Variants in DPEP1 observed in about 807,000 individuals in gnomAD.
DPEP1 encodes beta-lactamase.
A neutral mutation model predicts 42.3 loss-of-function variants in DPEP1; 50 were observed. The observed-to-expected ratio is 1.18, with a 90% CI of 0.94 to 1.50. DPEP1 has a LOEUF of 1.50. Ranked by LOEUF, DPEP1 falls within the 40% of genes most tolerant of loss-of-function variation. The pLI, the probability that DPEP1 is intolerant of heterozygous loss-of-function variation, is 0.00. For synonymous variants in DPEP1, 297 were observed against 234.0 expected (o/e 1.27, Z -2.46); for missense variants, 663 against 553.0 (o/e 1.20, Z -1.99).
chr16:89,616,481 G>A (rs1360619842), intron 1 of DPEP1, among the ~76,000 whole-genome samples: 1 of 152,154 alleles, frequency 6.6e-6, no homozygotes, highest in Non-Finnish European at 1.5e-5. Context: ...GGAGGCATCT[G>A]CATCCCCGGG....
chr16:89,625,788 C>T (rs1412095984), intron 1 of DPEP1, among the ~76,000 whole-genome samples: 1 of 152,202 alleles, frequency 6.6e-6, no homozygotes, highest in East Asian at 1.9e-4. Flanking sequence ...TTTGTGCTCA[C>T]AGCAGGACTG....
At chr16:89,630,932 CAG>C (rs2059579769) in intron 2 of DPEP1, among the ~76,000 whole-genome samples, 1 of 152,000 alleles carries the variant, frequency 6.6e-6, no homozygotes, top group Admixed American at 6.6e-5. Flanking sequence ...TGGGGTCTCT[CAG>C]GGCCCCCAAA....
intron 1 of DPEP1, among the ~76,000 whole-genome samples, chr16:89,615,687 C>G (rs866803563): frequency 2.0e-5 from 3 of 152,202 alleles, no homozygotes; most frequent in Non-Finnish European, 4.4e-5. Flanking sequence ...TGCAGGACCC[C>G]GCGAGGCCCC....
Position 89,637,672 on chromosome 16 carries a change from CGT to C in DPEP1, c.896_897del (p.Val299GlyfsTer7). 3 of 1,612,996 alleles carry C rather than the reference CGT, an allele frequency of 1.9e-6. No individual in the cohort carries two copies. Among genetic ancestry groups the C allele is most frequent in the Non-Finnish European group, 2.5e-6 (3 of 1,179,984 alleles). On this transcript the variant is annotated frameshift_variant, in exon 9 of 11. Coordinates refer to ENST00000690203, the MANE Select transcript of DPEP1 (RefSeq NM_001389466.1). LOFTEE classifies it high-confidence loss of function. The part of the protein sequence containing the change: ...HIKEVAGARA[V>X]GFGGDFDGVP... ...TCAAGGAGGTGGCAGGAGCCAGAGC[CGT>C]GGGTTTTGGTGGGGACTTTGATGGT... is the stretch of plus-strand genomic sequence containing the variant.
chr16:89,614,911 C>T lies in DPEP1; in HGVS notation c.-107+1192C>T, dbSNP rs114464690. Among the ~76,000 whole-genome samples the T allele has an allele frequency of 1.9e-3, 283 of 152,300 alleles. 2 individuals are homozygous for T. The highest frequency in any genetic ancestry group is 6.5e-3 in the African/African-American group (271 of 41,568). On this transcript the variant is annotated intron_variant, in intron 1 of 10. Coordinates refer to ENST00000690203, the MANE Select transcript of DPEP1 (RefSeq NM_001389466.1). Reference sequence around the variant, plus strand: ...AGGCGGAAGTTGGAGTCTGGAGCTGCGGCTGGGCTAGCGAAGGGCAGAACC... The same window carrying T: ...AGGCGGAAGTTGGAGTCTGGAGCTGTGGCTGGGCTAGCGAAGGGCAGAACC...
Position 89,638,433 on chromosome 16 carries a change from A to C in DPEP1, c.*211A>C. On this transcript the variant is annotated 3_prime_UTR_variant, in exon 11 of 11. Transcript: ENST00000690203. ...CGCAATAAAAGCAACACCCCTTCAC[A>C]TCCTGGGGTACGTGTCATCGGCATC... 1.5e-6 allele frequency: 2 copies of C among 1,317,958 alleles called. No individual in the cohort carries two copies. The highest frequency in any genetic ancestry group is 9.6e-7 in the Non-Finnish European group (1 of 1,037,792). 81.6% of individuals were successfully genotyped at this position (1,317,958 alleles called of 1,614,324 possible).
At chr16:89,613,980 C>T (rs1001605589) in intron 1 of DPEP1, among the ~76,000 whole-genome samples, 4 of 147,420 alleles carry the variant, frequency 2.7e-5, no homozygotes, top group Admixed American at 1.4e-4. Context: ...TTCTAGGAGG[C>T]TGGCACCAGG....
rs1378674252 is a variant in DPEP1, at chr16:89,636,912, C to T, written c.568C>T (p.Gln190Ter). 15 of 1,612,412 alleles carry T rather than the reference C, an allele frequency of 9.3e-6. No homozygotes were observed. Among genetic ancestry groups the T allele is most frequent in the Non-Finnish European group, 1.2e-5 (14 of 1,179,952 alleles). Residue 190 changes from glutamine to a stop codon, truncating the protein, a stop_gained, in exon 6 of 11, where the codon CAA becomes TAA. Transcript: ENST00000690203. LOFTEE classifies it high-confidence loss of function. The part of the protein sequence containing the change: ...VDTGDSEPQS[Q>*]GLSPFGQRVV... ...CACGGGAGACAGCGAGCCCCAGAGC[C>T]AAGGCTTGTCACCCTTTGGGCAGGT... is the stretch of plus-strand genomic sequence containing the variant.
chr16:89,628,662 C>T (rs1187208944), intron 1 of DPEP1, among the ~76,000 whole-genome samples: 1 of 152,122 alleles, frequency 6.6e-6, no homozygotes, highest in Non-Finnish European at 1.5e-5. Flanking sequence ...TGGAAATGCT[C>T]TCCTGTCACT....
At chr16:89,615,678 G>A (rs1029681697) in intron 1 of DPEP1, among the ~76,000 whole-genome samples, 9 of 152,184 alleles carry the variant, frequency 5.9e-5, no homozygotes, top group African/African-American at 2.2e-4. Flanking sequence ...ACCCCGCCTT[G>A]CAGGACCCCG....
chr16:89,633,795 G>GAGGGAGCTGTCTTCAA (rs1310379948), intron 2 of DPEP1, among the ~76,000 whole-genome samples: 156 of 151,208 alleles, frequency 1.0e-3, no homozygotes, highest in East Asian at 4.7e-3. Context: ...CTGAGGCACA[G>GAGGGAGCTGTCTTCAA]GGATGGGTCT....
chr16:89,618,509 G>C (rs554791764), intron 1 of DPEP1, among the ~76,000 whole-genome samples: 50 of 152,228 alleles, frequency 3.3e-4, no homozygotes, highest in Non-Finnish European at 4.7e-4. Context: ...TAAACCACCA[G>C]GTCTGGCCTA....
At chr16:89,620,269 G>A (rs1388972743) in intron 1 of DPEP1, among the ~76,000 whole-genome samples, 1 of 152,132 alleles carries the variant, frequency 6.6e-6, no homozygotes, top group African/African-American at 2.4e-5. Context: ...CAGGGAGGTG[G>A]CTGGGGTCTG....
chr16:89,631,683 C>G (rs866339959), intron 2 of DPEP1, among the ~76,000 whole-genome samples: 1 of 152,208 alleles, frequency 6.6e-6, no homozygotes, highest in Admixed American at 6.5e-5. Flanking sequence ...TGGCGAAACC[C>G]TGTCTCTACT....
chr16:89,632,025 G>A (rs2059595105), intron 2 of DPEP1, among the ~76,000 whole-genome samples: 1 of 152,074 alleles, frequency 6.6e-6, no homozygotes, highest in African/African-American at 2.4e-5. Context: ...AGCAGCAGGT[G>A]ACTGTCAGGG....
rs369160657 is a variant in DPEP1 at position 89,630,395 on chromosome 16, C to G, written c.-16C>G. 6.2e-7 allele frequency: 1 copy of G among 1,605,100 alleles called. No homozygotes were observed. The highest frequency in any genetic ancestry group is 1.3e-5 in the African/African-American group (1 of 74,534). On this transcript the variant is annotated 5_prime_UTR_variant, in exon 2 of 11. Transcript: ENST00000690203. ...CACCAGGGCAGCAGTGCACACAGGT[C>G]CCCGGGGACCCCACCATGTGGAGCG... is the stretch of plus-strand genomic sequence containing the variant.
chr16:89,637,577 G>A, intron 8 of DPEP1, 25 bp downstream of exon 8: 3 of 1,612,830 alleles, frequency 1.9e-6, no homozygotes, highest in Non-Finnish European at 2.5e-6. Flanking sequence ...AGCGGCCAAG[G>A]GGGCCGAAGG....
At chr16:89,616,507 C>G (rs1191763849) in intron 1 of DPEP1, among the ~76,000 whole-genome samples, 2 of 152,210 alleles carry the variant, frequency 1.3e-5, no homozygotes, top group South Asian at 2.1e-4. Context: ...GAAGACCCAG[C>G]GTGTATGGCC....
In DPEP1 at chr16:89,635,276, G is replaced by A. The variant is rs531659633; in HGVS notation, c.105-632G>A. Among the ~76,000 whole-genome samples the A allele has an allele frequency of 8.6e-5, 13 of 151,512 alleles. 1 individual carries two copies. In the South Asian group the frequency reaches 2.5e-3, roughly 29 times the overall value. On this transcript the variant is annotated intron_variant, in intron 2 of 10. Transcript: ENST00000690203. Reference sequence around the variant, plus strand: ...CCTACCCTCACCACCACCAGCTCCTGGGAAAACCTTGGAGAACTTCAGTCC... The same window carrying A: ...CCTACCCTCACCACCACCAGCTCCTAGGAAAACCTTGGAGAACTTCAGTCC...
Sources: gnomAD v4.1 joint callset for allele counts (sites outside exome capture counted in the v4.1 genomes callset) on GRCh38, gnomAD v4.1.1 for gene constraint, MANE v1.5 for transcripts, NCBI Gene and HGNC (gene_info 2026-07-23, HGNC 2026-07-21) for gene names.